Variants in HECW1 observed in about 807,000 individuals in gnomAD.
HECW1 encodes E3 ubiquitin-protein ligase HECW1.
A neutral mutation model predicts 182.3 loss-of-function variants in HECW1; 61 were observed. The ratio of observed to expected loss-of-function variants is 0.33; its 90% CI spans 0.27 to 0.41. The LOEUF (loss-of-function observed/expected upper bound fraction) is 0.41. Among genes scored for constraint, HECW1 ranks in the 10% least tolerant of loss-of-function variants. HECW1 has a pLI of 1.00. For missense variants in HECW1, 1,739 were observed against 2,108.9 expected (o/e 0.82, Z 3.44); for synonymous variants, 859 against 832.6 (o/e 1.03, Z -0.55).
chr7:43,433,583 T>C (rs2076618141), intron 8 of HECW1, among the ~76,000 whole-genome samples: 1 of 152,264 alleles, frequency 6.6e-6, no homozygotes. Context: ...AGGAATACCA[T>C]ATGCATCATT....
At chr7:43,555,161 T>C (rs181927694) in intron 29 of HECW1, among the ~76,000 whole-genome samples, 94 of 152,358 alleles carry the variant, frequency 6.2e-4, no homozygotes, top group Non-Finnish European at 9.3e-4. Flanking sequence ...CATCGTTATC[T>C]GTACTTCTGC....
chr7:43,447,794 C>A (rs1405331791), intron 11 of HECW1, among the ~76,000 whole-genome samples: 1 of 152,142 alleles, frequency 6.6e-6, no homozygotes, highest in East Asian at 1.9e-4. Context: ...TGCTCCTTCG[C>A]CTTGACTTCT....
chr7:43,209,582 AT>A (rs1168766965), intron 2 of HECW1, among the ~76,000 whole-genome samples: 1 of 152,004 alleles, frequency 6.6e-6, no homozygotes, highest in African/African-American at 2.4e-5. Context: ...CTCCTTGCCC[AT>A]TTTTTTCCTC....
intron 3 of HECW1, among the ~76,000 whole-genome samples, chr7:43,246,141 A>T (rs1430819665): frequency 2.9e-5 from 2 of 69,238 alleles, no homozygotes. Context: ...TATGAAAAAT[A>T]AAAAAAAAAA....
At chr7:43,262,185 C>T (rs1026522901) in intron 3 of HECW1, among the ~76,000 whole-genome samples, 1 of 152,084 alleles carries the variant, frequency 6.6e-6, no homozygotes, top group East Asian at 1.9e-4. Context: ...TGCGCCACTA[C>T]ACTCCACCCT....
At chr7:43,263,946 T>G (rs1045198688) in intron 3 of HECW1, among the ~76,000 whole-genome samples, 2 of 152,214 alleles carry the variant, frequency 1.3e-5, no homozygotes, top group Non-Finnish European at 2.9e-5. Context: ...TTTTTAAAAA[T>G]TTTACTTGAC....
intron 5 of HECW1, 136 bp downstream of exon 5, chr7:43,320,878 C>A: frequency 1.4e-6 from 1 of 695,338 alleles, no homozygotes; most frequent in Non-Finnish European, 2.5e-6. Flanking sequence ...TTAAAGAGAT[C>A]CTTAAAAAGA....
chr7:43,373,619 T>G (rs1036066596), intron 6 of HECW1, among the ~76,000 whole-genome samples: 1 of 152,210 alleles, frequency 6.6e-6, no homozygotes, highest in African/African-American at 2.4e-5. Context: ...TTTTTTTAAT[T>G]TTTAATTGTG....
chr7:43,495,184 T>C (rs2079070155), intron 19 of HECW1, among the ~76,000 whole-genome samples: 1 of 152,196 alleles, frequency 6.6e-6, no homozygotes, highest in South Asian at 2.1e-4. Flanking sequence ...TACACAGGTA[T>C]ACATGCACCA....
At chr7:43,401,643 G>C (rs563310831) in intron 7 of HECW1, among the ~76,000 whole-genome samples, 1 of 127,758 alleles carries the variant, frequency 7.8e-6, no homozygotes, top group African/African-American at 3.0e-5. Context: ...ACGTACAAAA[G>C]AACAATCCTC....
At chr7:43,217,147 C>T (rs1008812813) in intron 2 of HECW1, among the ~76,000 whole-genome samples, 10 of 150,046 alleles carry the variant, frequency 6.7e-5, no homozygotes, top group African/African-American at 7.6e-5. Flanking sequence ...AACTTATTAC[C>T]GAGTACATGA....
chr7:43,236,621 G>A (rs1798366078), intron 2 of HECW1, among the ~76,000 whole-genome samples: 1 of 152,182 alleles, frequency 6.6e-6, no homozygotes, highest in South Asian at 2.1e-4. Context: ...TCCTTGATCA[G>A]CCTTTCGCTG....
chr7:43,190,560 T>C (rs1793818834), intron 2 of HECW1, among the ~76,000 whole-genome samples: 1 of 152,196 alleles, frequency 6.6e-6, no homozygotes, highest in African/African-American at 2.4e-5. Flanking sequence ...TGAGAACTAT[T>C]TCTCATAATG....
At chr7:43,308,527 A>G (rs1201750837) in intron 3 of HECW1, among the ~76,000 whole-genome samples, 1 of 151,490 alleles carries the variant, frequency 6.6e-6, no homozygotes, top group Non-Finnish European at 1.5e-5. Context: ...GACATGATGG[A>G]ATACAATTTT....
intron 24 of HECW1, chr7:43,510,858 G>A (rs759162433): frequency 6.6e-6 from 1 of 152,210 alleles, no homozygotes; most frequent in East Asian, 1.9e-4. Flanking sequence ...GGCCACAGGT[G>A]AAGGCCTGAT....
chr7:43,440,936 G>C (rs1293026709), intron 9 of HECW1, among the ~76,000 whole-genome samples: 1 of 152,130 alleles, frequency 6.6e-6, no homozygotes, highest in African/African-American at 2.4e-5. Context: ...TTTCTAGAAA[G>C]AAACATTAAA....
intron 2 of HECW1, among the ~76,000 whole-genome samples, chr7:43,130,909 A>G (rs1418403109): frequency 6.6e-6 from 1 of 152,168 alleles, no homozygotes; most frequent in African/African-American, 2.4e-5. Flanking sequence ...TACTTTGTGT[A>G]TATGTATGTA....
chr7:43,428,210 G>A (rs866934932), intron 8 of HECW1, among the ~76,000 whole-genome samples: 13 of 152,122 alleles, frequency 8.5e-5, no homozygotes, highest in African/African-American at 2.2e-4. Context: ...AACGTAATCC[G>A]TAGATTTTCT....
intron 2 of HECW1, among the ~76,000 whole-genome samples, chr7:43,191,245 T>G (rs374976373): frequency 3.3e-5 from 5 of 152,204 alleles, no homozygotes; most frequent in African/African-American, 1.2e-4. Context: ...GATGGTGTCA[T>G]TAAGAGGCCA....
Sources: allele counts gnomAD v4.1 joint callset (sites outside exome capture counted in the v4.1 genomes callset), GRCh38; gene constraint gnomAD v4.1.1; transcripts MANE v1.5; gene names NCBI Gene and HGNC (gene_info 2026-07-23, HGNC 2026-07-21).